CHST8: variants seen among roughly 807,000 people sequenced by gnomAD.
CHST8 encodes GALNAC-4-ST1.
In CHST8, 10 loss-of-function variants were observed where a neutral mutation model predicts 15.0. The ratio of observed to expected loss-of-function variants is 0.67; its 90% CI spans 0.41 to 1.13. CHST8 has a LOEUF of 1.13. CHST8 is among the 50% of genes most tolerant of loss of function. The pLI, the probability that CHST8 is intolerant of heterozygous loss-of-function variation, is 0.00. For missense variants in CHST8, 634 were observed against 608.2 expected (o/e 1.04, Z -0.45); for synonymous variants, 259 against 256.6 (o/e 1.01, Z -0.09).
intron 3 of CHST8, among the ~76,000 whole-genome samples, chr19:33,746,271 A>G (rs565227914): frequency 1.3e-5 from 2 of 152,336 alleles, no homozygotes; most frequent in Admixed American, 1.3e-4. Context: ...ATTGTTTATC[A>G]AATGTATTCC....
At chr19:33,623,900 C>T (rs1972017894) in intron 1 of CHST8, among the ~76,000 whole-genome samples, 1 of 152,134 alleles carries the variant, frequency 6.6e-6, no homozygotes, top group Non-Finnish European at 1.5e-5. Context: ...AAGTGACCCA[C>T]GGGAGGAATA....
chr19:33,727,136 C>T (rs1227042231), intron 3 of CHST8, among the ~76,000 whole-genome samples: 1 of 151,870 alleles, frequency 6.6e-6, no homozygotes, highest in Admixed American at 6.6e-5. Context: ...TCCCCAGGTG[C>T]GTCCTATGGT....
chr19:33,639,119 C>T (rs1012046345), intron 1 of CHST8, among the ~76,000 whole-genome samples: 1 of 133,988 alleles, frequency 7.5e-6, no homozygotes. Context: ...AGAGGAGGTA[C>T]AATATGCGAT....
At chr19:33,688,243 C>T (rs1302684170) in intron 2 of CHST8, among the ~76,000 whole-genome samples, 1 of 152,248 alleles carries the variant, frequency 6.6e-6, no homozygotes, top group Admixed American at 6.5e-5. Flanking sequence ...GCCCCCATCT[C>T]CATGCACAGC....
At position 33,772,280 on chromosome 19, in the gene CHST8, C is replaced by T. The variant is rs779525234; in HGVS notation, c.492C>T (p.Cys164=). The T allele has an allele frequency of 6.2e-6, 10 of 1,601,370 alleles. No individual in the cohort carries two copies. The highest frequency in any genetic ancestry group is 1.6e-4 in the Middle Eastern group (1 of 6,068). Residue 164 remains cysteine, a synonymous_variant, in exon 5 of 5, where the codon TGC becomes TGT. Transcript: ENST00000650847. ...QERKRVMQEA[C]AKYRASSSRR... ...GCAAGCGGGTGATGCAGGAGGCCTG[C>T]GCCAAGTACCGGGCGAGCAGCAGCC... is the stretch of plus-strand genomic sequence containing the variant.
intron 3 of CHST8, among the ~76,000 whole-genome samples, chr19:33,724,168 C>T (rs1973850288): frequency 6.6e-6 from 1 of 152,170 alleles, no homozygotes; most frequent in African/African-American, 2.4e-5. Flanking sequence ...CTGCTCTGGC[C>T]TCAAGCTTTA....
chr19:33,692,765 G>C (rs1474605197), intron 3 of CHST8, among the ~76,000 whole-genome samples: 1 of 152,084 alleles, frequency 6.6e-6, no homozygotes, highest in Non-Finnish European at 1.5e-5. Context: ...ACATTTGGTC[G>C]AGCAAACTGA....
At chr19:33,761,018 A>G (rs761433271) in intron 3 of CHST8, among the ~76,000 whole-genome samples, 3 of 152,238 alleles carry the variant, frequency 2.0e-5, no homozygotes, top group Non-Finnish European at 4.4e-5. Flanking sequence ...TGGCAGGATC[A>G]TTCCGCGTGG....
chr19:33,623,793 C>G (rs1197374419), intron 1 of CHST8, among the ~76,000 whole-genome samples: 1 of 152,170 alleles, frequency 6.6e-6, no homozygotes, highest in Admixed American at 6.5e-5. Context: ...ACACTCATCC[C>G]AGCAGGAGAT....
intron 3 of CHST8, among the ~76,000 whole-genome samples, chr19:33,726,671 C>G (rs1447822116): frequency 6.6e-6 from 1 of 152,112 alleles, no homozygotes; most frequent in Non-Finnish European, 1.5e-5. Flanking sequence ...GAAAGCCACC[C>G]AAATGTCCCA....
chr19:33,651,091 G>A (rs186417934), intron 1 of CHST8, among the ~76,000 whole-genome samples: 11 of 152,224 alleles, frequency 7.2e-5, no homozygotes, highest in Admixed American at 6.5e-4. Context: ...CAGTACAAAA[G>A]TTTTCAATTT....
At chr19:33,764,215 A>C (rs1974788216) in intron 3 of CHST8, among the ~76,000 whole-genome samples, 1 of 152,142 alleles carries the variant, frequency 6.6e-6, no homozygotes, top group Non-Finnish European at 1.5e-5. Context: ...AATGACACAG[A>C]TGGACATGAC....
intron 1 of CHST8, among the ~76,000 whole-genome samples, chr19:33,664,449 CT>C (rs1463566276): frequency 0.03 from 3,500 of 115,568 alleles, 267 homozygotes; most frequent in African/African-American, 0.12. Context: ...CCCCTCCCCC[CT>C]CCCCACAACA....
At chr19:33,771,004 G>C (rs1048247586) in intron 3 of CHST8, among the ~76,000 whole-genome samples, 3 of 152,170 alleles carry the variant, frequency 2.0e-5, no homozygotes, top group African/African-American at 4.8e-5. Context: ...TGTGGAGAGA[G>C]AGTGGATCGA....
chr19:33,674,021 T>C (rs1972778000), intron 2 of CHST8, among the ~76,000 whole-genome samples: 2 of 152,368 alleles, frequency 1.3e-5, no homozygotes, highest in South Asian at 2.1e-4. Context: ...CCCAAAGTGC[T>C]GGGATTACAT....
chr19:33,650,900 G>A (rs1972440111), intron 1 of CHST8, among the ~76,000 whole-genome samples: 1 of 151,892 alleles, frequency 6.6e-6, no homozygotes, highest in Non-Finnish European at 1.5e-5. Flanking sequence ...GTAGAGATGG[G>A]GGTTTCACCA....
At chr19:33,657,762 G>A (rs1972530876) in intron 1 of CHST8, among the ~76,000 whole-genome samples, 3 of 151,912 alleles carry the variant, frequency 2.0e-5, no homozygotes, top group Admixed American at 2.0e-4. Flanking sequence ...GCAGAGACAT[G>A]GTCTCACTAT....
In CHST8 at chr19:33,771,443, C is replaced by T; in HGVS notation, c.161C>T (p.Pro54Leu). Residue 54 changes from proline (P) to leucine (L), a missense_variant, in exon 4 of 5, where the codon CCC becomes CTC. Pro to Leu is a moderately conservative substitution (Grantham distance 98). Coordinates refer to ENST00000650847, the MANE Select transcript of CHST8 (RefSeq NM_001127895.2). ...GIKFNIRPRQ[P>L]HHDLPPGGSQ... Reference sequence around the variant, plus strand: ...AAGTTCAACATCAGGCCAAGGCAGCCCCACCACGTAAGTTCTGAGAGTCAG... The same window carrying T: ...AAGTTCAACATCAGGCCAAGGCAGCTCCACCACGTAAGTTCTGAGAGTCAG... 3 of 1,614,094 alleles carry T rather than the reference C, an allele frequency of 1.9e-6. No individual in the cohort carries two copies. The highest frequency in any genetic ancestry group is 1.1e-5 in the South Asian group (1 of 91,080).
chr19:33,635,355 G>T (rs907864960), intron 1 of CHST8, among the ~76,000 whole-genome samples: 16 of 152,256 alleles, frequency 1.1e-4, no homozygotes, highest in African/African-American at 3.9e-4. Context: ...GAGAGCTCTG[G>T]GTCAGACCCT....
Sources: gnomAD v4.1 joint callset for allele counts (sites outside exome capture counted in the v4.1 genomes callset) on GRCh38, gnomAD v4.1.1 for gene constraint, MANE v1.5 for transcripts, NCBI Gene and HGNC (gene_info 2026-07-23, HGNC 2026-07-21) for gene names.